Variants in METTL21C observed in about 807,000 individuals in gnomAD.
The protein encoded by METTL21C is methyltransferase 21C, AARS1 lysine, also known as protein-lysine methyltransferase METTL21C.
A neutral mutation model predicts 25.9 loss-of-function variants in METTL21C; 21 were observed. The observed-to-expected ratio is 0.81, with a 90% CI of 0.58 to 1.17. The LOEUF (loss-of-function observed/expected upper bound fraction) is 1.17. Ranked by LOEUF, METTL21C falls within the 50% of genes most tolerant of loss-of-function variation. The pLI is 0.00. For missense variants in METTL21C, 312 were observed against 315.1 expected (o/e 0.99, Z 0.07); for synonymous variants, 125 against 124.7 (o/e 1.00, Z -0.01).
At position 102,690,814 on chromosome 13, in the gene METTL21C, C is replaced by T. The variant is rs747704057; in HGVS notation, c.281G>A (p.Gly94Glu). 15 of 1,613,772 alleles carry T rather than the reference C, an allele frequency of 9.3e-6. No individual in the cohort carries two copies. Reference protein sequence around the residue: ...IESYGAVVWPGAMALCQYLEE... With the variant: ...IESYGAVVWPEAMALCQYLEE... ...TCACAAATATGACAGTTCTCTCACC[C>T]CTGGCCACACCACCGCTCCGTAACT... The change falls in exon 2 of 4, where the codon GGG (glycine) becomes GAG (glutamate). Residue 94 changes from glycine (G) to glutamate (E), a missense_variant and splice_region_variant. Transcript: ENST00000267273.
chr13:102,689,459 C>G (rs541357442), intron 2 of METTL21C, among the ~76,000 whole-genome samples: 7 of 152,356 alleles, frequency 4.6e-5, no homozygotes, highest in African/African-American at 1.4e-4. Flanking sequence ...GGCTACCCTT[C>G]TCCCCATCCT....
In METTL21C at chr13:102,690,894, A is replaced by G. The variant is rs926608012; in HGVS notation, c.201T>C (p.Thr67=). 1 of 1,614,060 alleles carries G rather than the reference A, an allele frequency of 6.2e-7. No individual in the cohort carries two copies. Among genetic ancestry groups the G allele is most frequent in the Non-Finnish European group, 8.5e-7 (1 of 1,180,000 alleles). ...TTCCTGCAAACCGATAATGCTCCTG[A>G]GTGTAGCTGGCGTAATCTGTAGGAA... The part of the protein sequence containing the change: ...KFVPTDYASY[T]QEHYRFAGKE... Residue 67 remains threonine, a synonymous_variant, in exon 2 of 4, where the codon ACT becomes ACC. Transcript: ENST00000267273.
chr13:102,700,698 C>G, the METTL21C span, among the ~76,000 whole-genome samples: 1 of 152,174 alleles, frequency 6.6e-6, no homozygotes, highest in East Asian at 1.9e-4. Flanking sequence ...TCACTTTAAT[C>G]CTCAGATAAA....
intron 1 of METTL21C, among the ~76,000 whole-genome samples, chr13:102,691,853 C>T (rs1436944627): frequency 1.3e-5 from 2 of 152,188 alleles, no homozygotes; most frequent in Admixed American, 1.3e-4. Context: ...CATCTAGCAG[C>T]TCTCAGATGG....
At chr13:102,686,882 C>G (rs1291896908) in intron 3 of METTL21C, 58 bp downstream of exon 3, 9 of 1,370,272 alleles carry the variant, frequency 6.6e-6, no homozygotes, top group Admixed American at 3.4e-5. Context: ...AGAGTAAGCA[C>G]TTGCTATTGT....
intron 2 of METTL21C, among the ~76,000 whole-genome samples, chr13:102,689,959 G>T (rs1885783690): frequency 6.6e-6 from 1 of 152,204 alleles, no homozygotes; most frequent in Admixed American, 6.5e-5. Context: ...CGGAGGTGAG[G>T]TGAACATTTG....
In METTL21C at chr13:102,694,912, A is replaced by G. The variant is rs1458932037; in HGVS notation, c.-414T>C. Among the ~76,000 whole-genome samples, 1 of 150,102 alleles carries G rather than the reference A, an allele frequency of 6.7e-6. No homozygotes were observed. On this transcript the variant is annotated 5_prime_UTR_variant, in exon 1 of 4. Transcript: ENST00000267273. ...CTCTCTCTCTCTCTCACACACACAC[A>G]CACACACACACACACACGCACAGTC...
At chr13:102,693,458 C>T (rs982219084) in intron 1 of METTL21C, among the ~76,000 whole-genome samples, 1 of 152,198 alleles carries the variant, frequency 6.6e-6, no homozygotes, top group African/African-American at 2.4e-5. Flanking sequence ...CACTCTCATC[C>T]AGGCCATGCC....
chr13:102,703,408 GTCTCCAGCTC>G, the METTL21C span, among the ~76,000 whole-genome samples: 2 of 152,138 alleles, frequency 1.3e-5, no homozygotes. Context: ...TTCTCTCTCT[GTCTCCAGCTC>G]TGTTTGCTTT....
Position 102,694,429 on chromosome 13 carries a change from A to T in METTL21C, c.70T>A (p.Trp24Arg). The change falls in exon 1 of 4, where the codon TGG (tryptophan) becomes AGG (arginine). Residue 24 changes from tryptophan (W) to arginine (R), a missense_variant. Trp to Arg is a moderately radical substitution (Grantham distance 101). Transcript: ENST00000267273. ...GCCCCCTTCTTCTCAGCCTCTAACC[A>T]GCCACCCGGGGAGCTGAGTCCTTCC... The part of the protein sequence containing the change: ...RGEGLSSPGG[W>R]LEAEKKGAPQ... 1 of 1,609,600 alleles carries T rather than the reference A, an allele frequency of 6.2e-7. No individual in the cohort carries two copies. Among genetic ancestry groups the T allele is most frequent in the African/African-American group, 1.3e-5 (1 of 74,522 alleles).
At position 102,686,108 on chromosome 13, in the gene METTL21C, C is replaced by T. The variant is rs1885661541; in HGVS notation, c.718G>A (p.Val240Ile). 1 of 1,613,782 alleles carries T rather than the reference C, an allele frequency of 6.2e-7. No individual in the cohort carries two copies. Among genetic ancestry groups the T allele is most frequent in the African/African-American group, 1.3e-5 (1 of 74,922 alleles). Residue 240 changes from valine (V) to isoleucine (I), a missense_variant, in exon 4 of 4, where the codon GTT becomes ATT. Transcript: ENST00000267273. ...TCAGCCAACAGTGTTGTGTCAAAAA[C>T]TTGCTTGAATTTATCTAAAAATTCA... ...DYEFLDKFKQ[V>I]FDTTLLAEYP...
chr13:102,686,249 A>G lies in METTL21C; in HGVS notation c.577T>C (p.Ser193Pro). The change falls in exon 4 of 4, where the codon TCA (serine) becomes CCA (proline). Residue 193 changes from serine to proline, a missense_variant. Ser to Pro is a moderately conservative substitution (Grantham distance 74, BLOSUM62 -1). Coordinates refer to ENST00000267273, the MANE Select transcript of METTL21C (RefSeq NM_001010977.3). ...AAGTAGTGATGGTAGACCACATCTG[A>G]GGCTAGGACGTAATCATAGTAAAAA... The part of the protein sequence containing the change: ...SAFYYDYVLA[S>P]DVVYHHYFLD... 1.9e-6 allele frequency: 3 copies of G among 1,614,200 alleles called. No individual in the cohort carries two copies. In the African/African-American group the frequency reaches 4.0e-5, roughly 22 times the overall value.
Position 102,687,075 on chromosome 13 carries a change from CTT to C in METTL21C, c.283-20_283-19del. On this transcript the variant is annotated intron_variant, in intron 2 of 3. Coordinates refer to ENST00000267273, the MANE Select transcript of METTL21C (RefSeq NM_001010977.3). ...GCCATAGCCTAAAAAATAATTATAA[CTT>C]TTCATGTGGGCATTGGAACATTGGA... 1 of 1,592,548 alleles carries C rather than the reference CTT, an allele frequency of 6.3e-7. No homozygotes were observed. The highest frequency in any genetic ancestry group is 2.2e-5 in the East Asian group (1 of 44,798).
chr13:102,691,941 G>A (rs1398723609), intron 1 of METTL21C, among the ~76,000 whole-genome samples: 1 of 152,196 alleles, frequency 6.6e-6, no homozygotes, highest in Middle Eastern at 3.2e-3. Flanking sequence ...TTTCCAGAGT[G>A]TTTAGGAATA....
chr13:102,697,643 C>G (rs1204151110), upstream of METTL21C, among the ~76,000 whole-genome samples: 1 of 152,254 alleles, frequency 6.6e-6, no homozygotes, highest in East Asian at 1.9e-4. Context: ...GGGATTAACA[C>G]AGGACCAACC....
At chr13:102,702,207 GT>G in the METTL21C span, among the ~76,000 whole-genome samples, 405 of 139,546 alleles carry the variant, frequency 2.9e-3, 3 homozygotes, top group African/African-American at 0.012. Context: ...ATATATATAT[GT>G]AGAGAGAGAG....
At chr13:102,700,093 T>G in the METTL21C span, among the ~76,000 whole-genome samples, 11 of 152,230 alleles carry the variant, frequency 7.2e-5, no homozygotes, top group Non-Finnish European at 1.3e-4. Context: ...TGTTTCATCT[T>G]AGATGACCAA....
upstream of METTL21C, among the ~76,000 whole-genome samples, chr13:102,697,807 G>T (rs1885970389): frequency 6.6e-6 from 1 of 152,154 alleles, no homozygotes; most frequent in Non-Finnish European, 1.5e-5. Context: ...CCAGGGAAAG[G>T]GTGACATCCT....
rs1885657714 is a variant in METTL21C at position 102,686,033 on chromosome 13, A to G, written c.793T>C (p.Ter265GlnextTer30). The G allele has an allele frequency of 6.4e-7, 1 of 1,566,284 alleles. No individual in the cohort carries two copies. The highest frequency in any genetic ancestry group is 8.7e-7 in the Non-Finnish European group (1 of 1,154,264). The part of the protein sequence containing the change: ...KLFKGILKWD[*>Q] The stretch of plus-strand genomic sequence containing the variant: ...TTGTGAAAGGCATTTTGTTGGATTT[A>G]GTCCCATTTTAGTATCCCCTTAAAA... The change falls in exon 4 of 4, where the codon TAA (stop) becomes CAA (glutamine). Residue 265 changes from the stop codon to glutamine, a stop_lost. Transcript: ENST00000267273.
Sources: gnomAD v4.1 joint callset for allele counts (sites outside exome capture counted in the v4.1 genomes callset) on GRCh38, gnomAD v4.1.1 for gene constraint, MANE v1.5 for transcripts, NCBI Gene and HGNC (gene_info 2026-07-23, HGNC 2026-07-21) for gene names.